Variants in MATN2 observed in about 807,000 individuals in gnomAD.
The protein encoded by MATN2 is matrilin 2, also known as matrilin-2.
In MATN2, 69 loss-of-function variants were observed where a neutral mutation model predicts 103.2. The observed-to-expected ratio is 0.67, with a 90% CI of 0.55 to 0.82. The LOEUF (loss-of-function observed/expected upper bound fraction) is 0.82, where lower values mean the gene tolerates loss of function less well. Ranked by LOEUF, MATN2 falls within the 40% of genes least tolerant of loss-of-function variation. MATN2 has a pLI of 0.00. For missense variants in MATN2, 1,023 were observed against 1,211.5 expected, an observed-to-expected ratio of 0.84 and a Z score of 2.31; for synonymous variants, 429 against 450.2, an observed-to-expected ratio of 0.95 and a Z score of 0.60.
At chr8:97,886,982 C>T (rs962987550) in intron 1 of MATN2, among the ~76,000 whole-genome samples, 1 of 151,654 alleles carries the variant, frequency 6.6e-6, no homozygotes, top group Non-Finnish European at 1.5e-5. Context: ...TCACTGCAGT[C>T]CTGGGTTCAA....
At position 97,924,919 on chromosome 8, in the gene MATN2, G is replaced by C. The variant is rs565862901; in HGVS notation, c.143-6034G>C. The stretch of plus-strand genomic sequence containing the variant: ...ATCATGAGTATAGCTTGGTGGTTAA[G>C]AGTGCAGACTACGGAGCCATCACGA... On this transcript the variant is annotated intron_variant, in intron 2 of 18. Transcript: ENST00000254898. Among the ~76,000 whole-genome samples, 4 of 152,232 alleles carry C rather than the reference G, an allele frequency of 2.6e-5. No homozygotes were observed. The East Asian group carries it at 5.8e-4, about 22-fold the overall frequency.
intron 2 of MATN2, among the ~76,000 whole-genome samples, chr8:97,927,500 T>G (rs1810025475): frequency 6.6e-6 from 1 of 152,172 alleles, no homozygotes; most frequent in Non-Finnish European, 1.5e-5. Context: ...AGAGTTGAGA[T>G]GCACACTTGA....
chr8:97,944,103 A>G (rs1428319880), intron 4 of MATN2, among the ~76,000 whole-genome samples: 1 of 152,048 alleles, frequency 6.6e-6, no homozygotes, highest in African/African-American at 2.4e-5. Flanking sequence ...GACCAGGGGG[A>G]GGGGCAGGGA....
rs192204244 is a variant in MATN2, at chr8:97,978,763, C to T, written c.959-123C>T. On this transcript the variant is annotated intron_variant, in intron 5 of 18. Coordinates refer to ENST00000254898, the MANE Select transcript of MATN2 (RefSeq NM_002380.5). ...GACCTTGGGTTCATAACTGTTTATC[C>T]TACTCTTTTGGGGGGCAATAATATT... 33 of 949,500 alleles carry T rather than the reference C, an allele frequency of 3.5e-5. 1 individual carries two copies. The East Asian group carries it at 8.3e-4, about 24-fold the overall frequency. 58.8% of individuals were successfully genotyped at this position (949,500 alleles called of 1,614,324 possible).
chr8:98,026,847 T>C (rs947987171), intron 13 of MATN2, among the ~76,000 whole-genome samples: 57 of 152,236 alleles, frequency 3.7e-4, no homozygotes, highest in African/African-American at 1.2e-3. Context: ...TTGGTCACTA[T>C]TGCAATCCTG....
chr8:97,903,467 G>A (rs759701055), intron 2 of MATN2, among the ~76,000 whole-genome samples: 9 of 152,110 alleles, frequency 5.9e-5, no homozygotes, highest in Non-Finnish European at 1.3e-4. Context: ...TTTTTGTTTT[G>A]TTTTTGTCTG....
At chr8:97,985,283 G>T (rs1812156242) in intron 6 of MATN2, among the ~76,000 whole-genome samples, 1 of 152,098 alleles carries the variant, frequency 6.6e-6, no homozygotes, top group Non-Finnish European at 1.5e-5. Flanking sequence ...AGAACTAACA[G>T]AGCAAACGTA....
chr8:97,899,345 C>A (rs557651076), intron 2 of MATN2, among the ~76,000 whole-genome samples: 8 of 152,296 alleles, frequency 5.3e-5, no homozygotes, highest in African/African-American at 1.9e-4. Flanking sequence ...TTAACGGACT[C>A]TTCCTCAATA....
At chr8:97,880,136 T>A (rs1029696150) in intron 1 of MATN2, among the ~76,000 whole-genome samples, 6 of 150,140 alleles carry the variant, frequency 4.0e-5, no homozygotes, top group African/African-American at 1.5e-4. Context: ...CAGGCTGCAG[T>A]GCAGTGGCGC....
At chr8:97,950,639 TCAGTC>T (rs1181724662) in intron 4 of MATN2, 1 of 152,174 alleles carries the variant, frequency 6.6e-6, no homozygotes, top group Non-Finnish European at 1.5e-5. Flanking sequence ...ACAATTCTAA[TCAGTC>T]CAGTCAATTC....
At chr8:98,032,921 A>T in intron 16 of MATN2, 121 bp from the exon 17 acceptor site, 1 of 796,668 alleles carries the variant, frequency 1.3e-6, no homozygotes. Context: ...TTGCTTCAGT[A>T]TGTCCCAAAG....
chr8:98,024,221 C>T (rs760970192), intron 13 of MATN2, among the ~76,000 whole-genome samples: 3 of 152,124 alleles, frequency 2.0e-5, no homozygotes, highest in African/African-American at 4.8e-5. Context: ...AAACAACAGA[C>T]AGGCCAGGTG....
At chr8:97,958,217 A>G (rs999783065) in intron 4 of MATN2, among the ~76,000 whole-genome samples, 5 of 152,262 alleles carry the variant, frequency 3.3e-5, no homozygotes, top group African/African-American at 4.8e-5. Flanking sequence ...AATCACCTGT[A>G]TTCACACCAC....
intron 13 of MATN2, chr8:98,024,951 G>A (rs1469053259): frequency 6.6e-6 from 1 of 152,208 alleles, no homozygotes; most frequent in Non-Finnish European, 1.5e-5. Context: ...TGTGTTTCCT[G>A]GAGAAGCCTT....
At chr8:97,956,238 C>A (rs1245382399) in intron 4 of MATN2, among the ~76,000 whole-genome samples, 1 of 151,936 alleles carries the variant, frequency 6.6e-6, no homozygotes, top group South Asian at 2.1e-4. Context: ...AGTGCAGTGG[C>A]GCGATCTCAG....
At chr8:98,023,182 A>G (rs910918255) in intron 13 of MATN2, among the ~76,000 whole-genome samples, 1 of 152,144 alleles carries the variant, frequency 6.6e-6, no homozygotes, top group Non-Finnish European at 1.5e-5. Context: ...GGCTGAGGCC[A>G]GGAGATGGAA....
At chr8:97,937,507 C>T (rs1025796478) in intron 3 of MATN2, among the ~76,000 whole-genome samples, 6 of 151,642 alleles carry the variant, frequency 4.0e-5, no homozygotes, top group Non-Finnish European at 5.9e-5. Context: ...TGGCACATGG[C>T]CAAAATAAGC....
Position 97,963,340 on chromosome 8 carries a change from G to GAC in MATN2, c.958+1810_958+1811insAC, listed in dbSNP as rs542691560. Reference sequence around the variant, plus strand: ...TCAGGAAACAGGATGAGGGTAATGGGTTGATTAGGACAAGGGGAGGGACAG... The same window carrying GAC: ...TCAGGAAACAGGATGAGGGTAATGGGACTTGATTAGGACAAGGGGAGGGACAG... On this transcript the variant is annotated intron_variant, in intron 5 of 18. Transcript: ENST00000254898. 2.3e-4 allele frequency among the ~76,000 whole-genome samples: 35 copies of GAC among 152,228 alleles called. No homozygotes were observed. In the South Asian group the frequency reaches 7.3e-3, roughly 32 times the overall value.
At chr8:97,917,095 G>T (rs774504606) in intron 2 of MATN2, among the ~76,000 whole-genome samples, 2 of 152,136 alleles carry the variant, frequency 1.3e-5, no homozygotes, top group Non-Finnish European at 2.9e-5. Context: ...ACTGGCTGGA[G>T]TCTCTTTAGG....
Sources: gnomAD v4.1 joint callset for allele counts (sites outside exome capture counted in the v4.1 genomes callset) on GRCh38, gnomAD v4.1.1 for gene constraint, MANE v1.5 for transcripts, NCBI Gene and HGNC (gene_info 2026-07-23, HGNC 2026-07-21) for gene names.